Variants in DDAH1 observed in about 807,000 individuals in gnomAD.
DDAH1 encodes the protein dimethylarginine dimethylaminohydrolase 1.
In DDAH1, 19 loss-of-function variants were observed where a neutral mutation model predicts 28.8. The ratio of observed to expected loss-of-function variants is 0.66; its 90% CI spans 0.46 to 0.97. The LOEUF (loss-of-function observed/expected upper bound fraction) is 0.97. Among genes scored for constraint, DDAH1 ranks in the 50% least tolerant of loss-of-function variants. The probability of loss-of-function intolerance (pLI) is 0.00; values close to 1 mark genes in which losing one functional copy is unlikely to be tolerated. For missense variants in DDAH1, 326 were observed against 375.9 expected (o/e 0.87, Z 1.10); for synonymous variants, 153 against 154.4 (o/e 0.99, Z 0.07).
chr1:85,369,458 A>G (rs181790926), intron 1 of DDAH1, among the ~76,000 whole-genome samples: 4 of 152,168 alleles, frequency 2.6e-5, no homozygotes, highest in Admixed American at 6.5e-5. Context: ...AACCTCTGTG[A>G]CCTCTTTTAA....
At chr1:85,356,386 A>C (rs1649488167) in intron 2 of DDAH1, among the ~76,000 whole-genome samples, 1 of 152,214 alleles carries the variant, frequency 6.6e-6, no homozygotes, top group Non-Finnish European at 1.5e-5. Context: ...TGAATTACAG[A>C]GAAAAGAGGA....
chr1:85,449,851 G>C (rs1654587830), intron 1 of DDAH1, among the ~76,000 whole-genome samples: 1 of 152,138 alleles, frequency 6.6e-6, no homozygotes, highest in African/African-American at 2.4e-5. Flanking sequence ...GAGAGAGGTA[G>C]ACTACAGGGT....
chr1:85,502,407 C>G (rs1292982159), intron 1 of DDAH1, among the ~76,000 whole-genome samples: 2 of 152,208 alleles, frequency 1.3e-5, no homozygotes, highest in Non-Finnish European at 2.9e-5. Context: ...AACCAAATGA[C>G]AACAAAGCCA....
chr1:85,358,797 C>T lies in DDAH1; in HGVS notation c.354G>A (p.Glu118=), dbSNP rs755800393. The change falls in exon 2 of 6, where the codon GAG becomes GAA. Residue 118 remains glutamate (E), a synonymous_variant. Transcript: ENST00000284031. ...ALEKLQLNIV[E]MKDENATLDG... ...CTAAAGTTGCATTTTCATCTTTCAT[C>T]TCTACTATATTGAGCTGAAGTTTTT... The T allele has an allele frequency of 1.1e-5, 18 of 1,613,014 alleles. No homozygotes were observed. The East Asian group carries it at 3.8e-4, about 34-fold the overall frequency.
intron 2 of DDAH1, among the ~76,000 whole-genome samples, chr1:85,473,539 T>C (rs1270813222): frequency 2.0e-5 from 3 of 152,130 alleles, no homozygotes; most frequent in Non-Finnish European, 2.9e-5. Context: ...TTCATTTCCT[T>C]GTGAAATGAA....
intron 1 of DDAH1, among the ~76,000 whole-genome samples, chr1:85,458,306 T>C (rs1450850306): frequency 6.6e-6 from 1 of 152,200 alleles, no homozygotes; most frequent in African/African-American, 2.4e-5. Flanking sequence ...AGTCTGGTGA[T>C]TTATTCCTTT....
upstream of DDAH1, among the ~76,000 whole-genome samples, chr1:85,469,630 T>A (rs1655548705): frequency 6.6e-6 from 1 of 152,192 alleles, no homozygotes; most frequent in Non-Finnish European, 1.5e-5. Context: ...ACGTACACAT[T>A]CACTGAATTA....
intron 1 of DDAH1, among the ~76,000 whole-genome samples, chr1:85,400,922 C>T (rs1333450866): frequency 6.6e-6 from 1 of 152,124 alleles, no homozygotes; most frequent in Non-Finnish European, 1.5e-5. Context: ...TCCAAGCTGC[C>T]TTCTATCCCT....
intron 1 of DDAH1, among the ~76,000 whole-genome samples, chr1:85,372,172 T>C (rs1381388379): frequency 1.3e-5 from 2 of 152,152 alleles, no homozygotes; most frequent in Non-Finnish European, 2.9e-5. Context: ...ATTTTGTAAA[T>C]ATTCACCCTT....
intron 2 of DDAH1, among the ~76,000 whole-genome samples, chr1:85,485,543 T>C (rs1015044289): frequency 1.3e-5 from 2 of 152,134 alleles, no homozygotes; most frequent in Non-Finnish European, 2.9e-5. Flanking sequence ...GCATCAGAAC[T>C]AAAGTCCTGC....
intron 2 of DDAH1, among the ~76,000 whole-genome samples, chr1:85,357,619 G>A (rs1229546478): frequency 1.3e-5 from 2 of 152,124 alleles, no homozygotes; most frequent in Admixed American, 6.5e-5. Flanking sequence ...GAAGCTTCAC[G>A]CTTTCAGTGG....
At chr1:85,322,277 C>T (rs757717534) in intron 5 of DDAH1, among the ~76,000 whole-genome samples, 6 of 152,104 alleles carry the variant, frequency 3.9e-5, no homozygotes, top group African/African-American at 9.7e-5. Flanking sequence ...TATTTTCTTA[C>T]CAACACTGCT....
intron 1 of DDAH1, among the ~76,000 whole-genome samples, chr1:85,455,504 T>C (rs1350707419): frequency 6.6e-6 from 1 of 152,164 alleles, no homozygotes; most frequent in Non-Finnish European, 1.5e-5. Flanking sequence ...AAGTTAAATA[T>C]TAGAAAACTA....
At chr1:85,555,021 G>A (rs1209494739) in intron 1 of DDAH1, among the ~76,000 whole-genome samples, 1 of 152,206 alleles carries the variant, frequency 6.6e-6, no homozygotes, top group Non-Finnish European at 1.5e-5. Context: ...ATCATTTGAA[G>A]CTAAATTAGA....
intron 1 of DDAH1, among the ~76,000 whole-genome samples, chr1:85,546,909 G>A (rs1011711557): frequency 6.6e-6 from 1 of 152,184 alleles, no homozygotes; most frequent in Non-Finnish European, 1.5e-5. Flanking sequence ...TGATACTGGT[G>A]TTTGGGGATA....
At chr1:85,550,050 A>G (rs1346280280) in intron 1 of DDAH1, among the ~76,000 whole-genome samples, 1 of 152,180 alleles carries the variant, frequency 6.6e-6, no homozygotes, top group African/African-American at 2.4e-5. Context: ...AATCCTCAGC[A>G]TGTCTGGTAT....
At chr1:85,427,669 A>C (rs1653473251) in intron 1 of DDAH1, among the ~76,000 whole-genome samples, 1 of 152,226 alleles carries the variant, frequency 6.6e-6, no homozygotes, top group Non-Finnish European at 1.5e-5. Flanking sequence ...TGCTCTGGGA[A>C]AACAAACAAA....
chr1:85,474,489 G>A (rs1312188482), intron 2 of DDAH1, among the ~76,000 whole-genome samples: 1 of 152,072 alleles, frequency 6.6e-6, no homozygotes, highest in Admixed American at 6.6e-5. Context: ...TTCCTGGAAT[G>A]TGTGTGGCCC....
At chr1:85,336,971 C>A (rs1262290345) in intron 4 of DDAH1, among the ~76,000 whole-genome samples, 1 of 152,146 alleles carries the variant, frequency 6.6e-6, no homozygotes, top group Non-Finnish European at 1.5e-5. Context: ...CAAAATCCAA[C>A]AGCAAATCAA....
Sources: allele counts gnomAD v4.1 joint callset (sites outside exome capture counted in the v4.1 genomes callset), GRCh38; gene constraint gnomAD v4.1.1; transcripts MANE v1.5; gene names NCBI Gene and HGNC (gene_info 2026-07-23, HGNC 2026-07-21).